The following NEK7 variants were observed in gnomAD, a reference collection of about 807,000 sequenced individuals.
The protein encoded by NEK7 is serine/threonine-protein kinase Nek7.
Under a neutral mutation model 44.6 loss-of-function variants are expected in NEK7, and 18 were observed. The ratio of observed to expected loss-of-function variants is 0.40; its 90% CI spans 0.28 to 0.60. The LOEUF is 0.60. Among genes scored for constraint, NEK7 ranks in the 20% least tolerant of loss-of-function variants. The probability of loss-of-function intolerance (pLI) is 0.38; values close to 1 mark genes in which losing one functional copy is unlikely to be tolerated. For missense variants in NEK7, 256 were observed against 366.5 expected (o/e 0.70, Z 2.46); for synonymous variants, 130 against 121.1 (o/e 1.07, Z -0.48).
At chr1:198,226,132 T>C (rs551707992) in intron 1 of NEK7, among the ~76,000 whole-genome samples, 18 of 152,158 alleles carry the variant, frequency 1.2e-4, no homozygotes, top group African/African-American at 2.6e-4. Context: ...AAATATATTT[T>C]TGTTTCATTT....
chr1:198,260,623 A>G (rs1314346007), intron 3 of NEK7, among the ~76,000 whole-genome samples: 1 of 152,034 alleles, frequency 6.6e-6, no homozygotes, highest in East Asian at 1.9e-4. Flanking sequence ...AGTGGGAGAA[A>G]CTTTGATGTA....
intron 9 of NEK7, among the ~76,000 whole-genome samples, chr1:198,299,691 A>G (rs1403410317): frequency 6.6e-6 from 1 of 152,192 alleles, no homozygotes. Context: ...CTACTGCCAA[A>G]TTTTTAAGGT....
At chr1:198,289,680 A>C (rs1654486535) in intron 7 of NEK7, among the ~76,000 whole-genome samples, 1 of 152,168 alleles carries the variant, frequency 6.6e-6, no homozygotes, top group Non-Finnish European at 1.5e-5. Flanking sequence ...ATTTTTGCAG[A>C]GATTACAGTG....
At chr1:198,299,292 A>G (rs1317242390) in intron 9 of NEK7, among the ~76,000 whole-genome samples, 1 of 152,228 alleles carries the variant, frequency 6.6e-6, no homozygotes, top group Non-Finnish European at 1.5e-5. Context: ...AGTTCTCAAA[A>G]CAAGAGCTTT....
chr1:198,292,797 A>C (rs1654600142), intron 7 of NEK7, 148 bp from the exon 8 acceptor site: 1 of 636,958 alleles, frequency 1.6e-6, no homozygotes, highest in Non-Finnish European at 2.8e-6. Context: ...GAAATTAAAA[A>C]GTTTTTAGTA....
At chr1:198,161,516 C>G (rs1235649052) in intron 1 of NEK7, among the ~76,000 whole-genome samples, 2 of 152,158 alleles carry the variant, frequency 1.3e-5, no homozygotes, top group East Asian at 1.9e-4. Flanking sequence ...TGGGTTGATT[C>G]GGAATTTTCC....
At chr1:198,291,262 C>G (rs1654544865) in intron 7 of NEK7, among the ~76,000 whole-genome samples, 1 of 152,176 alleles carries the variant, frequency 6.6e-6, no homozygotes, top group African/African-American at 2.4e-5. Flanking sequence ...CTGCCAGTCA[C>G]TTGCTTTATG....
At chr1:198,252,071 T>G (rs905798779) in intron 2 of NEK7, among the ~76,000 whole-genome samples, 6 of 152,180 alleles carry the variant, frequency 3.9e-5, no homozygotes, top group Non-Finnish European at 7.4e-5. Context: ...TCTGGTACGT[T>G]GTGTCTTTGT....
intron 1 of NEK7, among the ~76,000 whole-genome samples, chr1:198,193,179 C>A (rs1403013571): frequency 1.8e-4 from 27 of 152,100 alleles, no homozygotes; most frequent in Non-Finnish European, 1.5e-5. Context: ...ACTGTAAACA[C>A]CTCTATGCAC....
At chr1:198,305,697 A>G (rs552770338) in intron 9 of NEK7, among the ~76,000 whole-genome samples, 20 of 152,324 alleles carry the variant, frequency 1.3e-4, no homozygotes, top group Admixed American at 1.1e-3. Context: ...CATCATTTAA[A>G]TATATCCCTC....
intron 1 of NEK7, among the ~76,000 whole-genome samples, chr1:198,202,029 T>G (rs1355490354): frequency 6.6e-6 from 1 of 152,208 alleles, no homozygotes; most frequent in Non-Finnish European, 1.5e-5. Context: ...TTAGGACAGT[T>G]TATTACAATC....
Position 198,252,558 on chromosome 1 carries a change from ATATAT to A in NEK7, c.58-481_58-477del, listed in dbSNP as rs1558079245. Among the ~76,000 whole-genome samples the A allele has an allele frequency of 3.3e-3, 203 of 60,632 alleles. 6 individuals are homozygous for A. The highest frequency in any genetic ancestry group is 5.1e-3 in the Admixed American group (24 of 4,694). 39.8% of individuals were successfully genotyped at this position (60,632 alleles called of 152,430 possible). ...TATATATATATATATATATATATAT[ATATAT>A]ATATAAAAAGTACATATATACACAT... On this transcript the variant is annotated intron_variant, in intron 2 of 9. Coordinates refer to ENST00000367385, the MANE Select transcript of NEK7 (RefSeq NM_133494.3).
intron 5 of NEK7, among the ~76,000 whole-genome samples, chr1:198,266,827 C>T (rs778541131): frequency 7.2e-5 from 11 of 152,186 alleles, no homozygotes; most frequent in Non-Finnish European, 1.3e-4. Context: ...TAGGTATTCA[C>T]ATTTTCTTTA....
At chr1:198,199,313 G>A (rs1275200910) in intron 1 of NEK7, among the ~76,000 whole-genome samples, 1 of 152,100 alleles carries the variant, frequency 6.6e-6, no homozygotes, top group South Asian at 2.1e-4. Flanking sequence ...ACCTTGACCA[G>A]TCATTGGATG....
At chr1:198,240,847 C>T (rs955063553) in intron 2 of NEK7, among the ~76,000 whole-genome samples, 2 of 152,028 alleles carry the variant, frequency 1.3e-5, no homozygotes, top group Non-Finnish European at 2.9e-5. Flanking sequence ...AGGTGTGTGC[C>T]GCACACCTGG....
chr1:198,179,134 A>G (rs959618767), intron 1 of NEK7, among the ~76,000 whole-genome samples: 1 of 151,958 alleles, frequency 6.6e-6, no homozygotes, highest in Non-Finnish European at 1.5e-5. Context: ...AAACTCATTG[A>G]GTATAGGAAA....
chr1:198,195,844 G>A (rs1665215448), intron 1 of NEK7, among the ~76,000 whole-genome samples: 1 of 151,548 alleles, frequency 6.6e-6, no homozygotes, highest in South Asian at 2.1e-4. Context: ...ACCCGAATAT[G>A]CACTACTATT....
chr1:198,272,006 A>G (rs57126888), intron 5 of NEK7, among the ~76,000 whole-genome samples: 29,668 of 149,842 alleles, frequency 0.2, 3,518 homozygotes, highest in African/African-American at 0.31. Flanking sequence ...ATATCTGTAT[A>G]AATTTATGTC....
intron 9 of NEK7, among the ~76,000 whole-genome samples, chr1:198,316,632 T>G (rs1253888585): frequency 6.6e-6 from 1 of 152,256 alleles, no homozygotes; most frequent in Non-Finnish European, 1.5e-5. Context: ...TTCCTCACTT[T>G]CACATTTGTT....
Sources: allele counts gnomAD v4.1 joint callset (sites outside exome capture counted in the v4.1 genomes callset), GRCh38; gene constraint gnomAD v4.1.1; transcripts MANE v1.5; gene names NCBI Gene and HGNC (gene_info 2026-07-23, HGNC 2026-07-21).